JAK1: variants seen among roughly 807,000 people sequenced by gnomAD.
JAK1 encodes Janus kinase 1, also known as tyrosine-protein kinase JAK1.
Under a neutral mutation model 136.6 loss-of-function variants are expected in JAK1, and 16 were observed. The observed-to-expected ratio is 0.12, with a 90% CI of 0.08 to 0.18. The LOEUF is 0.18. Among genes scored for constraint, JAK1 ranks in the 10% least tolerant of loss-of-function variants. The pLI is 1.00. For missense variants in JAK1, 859 were observed against 1,450.1 expected (o/e 0.59, Z 6.62); for synonymous variants, 492 against 519.5 (o/e 0.95, Z 0.72).
intron 1 of JAK1, among the ~76,000 whole-genome samples, chr1:64,935,018 T>C (rs755289166): frequency 7.2e-5 from 11 of 152,288 alleles, no homozygotes; most frequent in Non-Finnish European, 1.5e-4. Flanking sequence ...TTTCTGGCTG[T>C]GGGGATATGC....
chr1:64,989,502 G>C (rs1646635139), intron 2 of JAK1: 1 of 152,036 alleles, frequency 6.6e-6, no homozygotes, highest in African/African-American at 2.4e-5. Flanking sequence ...GTTCTAGAGG[G>C]AGCAAAGCAG....
intron 2 of JAK1, among the ~76,000 whole-genome samples, chr1:65,043,144 G>A (rs946886877): frequency 8.5e-5 from 13 of 152,284 alleles, no homozygotes; most frequent in African/African-American, 3.1e-4. Flanking sequence ...CCCAATCGCA[G>A]AAATATGAGG....
At chr1:64,894,776 C>CA (rs796739115) in intron 1 of JAK1, among the ~76,000 whole-genome samples, 32 of 151,502 alleles carry the variant, frequency 2.1e-4, no homozygotes, top group African/African-American at 7.5e-4. Context: ...GACTACGTCT[C>CA]AAAAAACAAA....
At chr1:64,974,739 G>C (rs1036831499) in intron 2 of JAK1, 4 of 152,252 alleles carry the variant, frequency 2.6e-5, no homozygotes, top group African/African-American at 9.6e-5. Context: ...GAGGGAAAAA[G>C]AGACGATGGG....
intron 2 of JAK1, among the ~76,000 whole-genome samples, chr1:64,994,644 A>T (rs1646687584): frequency 1.3e-5 from 2 of 152,266 alleles, no homozygotes; most frequent in African/African-American, 4.8e-5. Flanking sequence ...ATTTCCCAAC[A>T]CTGCCGCATT....
At chr1:64,847,128 T>C (rs976508261) in intron 13 of JAK1, among the ~76,000 whole-genome samples, 1 of 152,248 alleles carries the variant, frequency 6.6e-6, no homozygotes, top group Non-Finnish European at 1.5e-5. Flanking sequence ...TTTGACTGTG[T>C]CACTCTAATA....
intron 1 of JAK1, among the ~76,000 whole-genome samples, chr1:65,054,887 G>C (rs1368134587): frequency 6.6e-6 from 1 of 152,166 alleles, no homozygotes; most frequent in African/African-American, 2.4e-5. Flanking sequence ...ATAAAGACAT[G>C]GCAATTACAT....
At chr1:65,013,960 T>A (rs1473255496) in intron 2 of JAK1, among the ~76,000 whole-genome samples, 1 of 152,102 alleles carries the variant, frequency 6.6e-6, no homozygotes, top group African/African-American at 2.4e-5. Flanking sequence ...GACCAACAAA[T>A]TTTTAAGAAC....
chr1:64,968,429 T>A (rs1266126376), upstream of JAK1, among the ~76,000 whole-genome samples: 2 of 151,974 alleles, frequency 1.3e-5, no homozygotes, highest in Admixed American at 1.3e-4. Flanking sequence ...TCTGAGGAAG[T>A]CAGAATAAGC....
At chr1:64,843,247 A>G (rs1570617451) in intron 17 of JAK1, among the ~76,000 whole-genome samples, 1 of 152,204 alleles carries the variant, frequency 6.6e-6, no homozygotes, top group South Asian at 2.1e-4. Flanking sequence ...CTCCCGACAC[A>G]GCACTGAAAC....
At chr1:65,063,604 G>C (rs996393780) in intron 1 of JAK1, among the ~76,000 whole-genome samples, 2 of 152,128 alleles carry the variant, frequency 1.3e-5, no homozygotes, top group African/African-American at 4.8e-5. Context: ...AGGAGTTCAA[G>C]ACCAGCCTGG....
At chr1:64,978,568 G>T (rs1374632826) in intron 2 of JAK1, among the ~76,000 whole-genome samples, 1 of 152,084 alleles carries the variant, frequency 6.6e-6, no homozygotes, top group Non-Finnish European at 1.5e-5. Context: ...CTTTTATGGG[G>T]TTTTTCTTAA....
At chr1:64,838,662 T>C (rs1361099100) in intron 20 of JAK1, 73 bp from the exon 21 acceptor site, 2 of 1,532,394 alleles carry the variant, frequency 1.3e-6, no homozygotes, top group Non-Finnish European at 1.8e-6. Flanking sequence ...GGGCACAGGA[T>C]ATGAGACAGA....
intron 1 of JAK1, among the ~76,000 whole-genome samples, chr1:64,916,786 G>A (rs1054269919): frequency 2.1e-4 from 32 of 151,318 alleles, no homozygotes; most frequent in African/African-American, 7.3e-4. Context: ...GCAGTGAGCC[G>A]AGATTCTGCC....
chr1:64,940,925 G>A (rs1370317960), intron 1 of JAK1, among the ~76,000 whole-genome samples: 1 of 152,146 alleles, frequency 6.6e-6, no homozygotes, highest in Non-Finnish European at 1.5e-5. Flanking sequence ...AGCATTTTGG[G>A]AGGCTGAGAT....
intron 1 of JAK1, among the ~76,000 whole-genome samples, chr1:65,065,669 T>C (rs981554151): frequency 5.3e-5 from 8 of 150,658 alleles, no homozygotes; most frequent in Non-Finnish European, 1.0e-4. Flanking sequence ...GCTGGGTGTG[T>C]CTTCTGCTTG....
chr1:64,978,589 G>A (rs1378232270), intron 2 of JAK1, among the ~76,000 whole-genome samples: 3 of 152,136 alleles, frequency 2.0e-5, no homozygotes, highest in Non-Finnish European at 4.4e-5. Context: ...ATAGGTAAAT[G>A]AGATGATGGC....
chr1:64,897,319 A>G (rs957471753), intron 1 of JAK1, among the ~76,000 whole-genome samples: 4 of 151,240 alleles, frequency 2.6e-5, no homozygotes, highest in Non-Finnish European at 5.9e-5. Flanking sequence ...AGTCCCAGCT[A>G]CTTGGGAGGC....
intron 1 of JAK1, among the ~76,000 whole-genome samples, chr1:64,887,782 C>T (rs929407917): frequency 6.6e-6 from 1 of 152,188 alleles, no homozygotes; most frequent in African/African-American, 2.4e-5. Flanking sequence ...ACGGAGATAG[C>T]AGTCTCAGCA....
Sources: allele counts gnomAD v4.1 joint callset (sites outside exome capture counted in the v4.1 genomes callset), GRCh38; gene constraint gnomAD v4.1.1; transcripts MANE v1.5; gene names NCBI Gene and HGNC (gene_info 2026-07-23, HGNC 2026-07-21).